Variants in PHC2 observed in about 807,000 individuals in gnomAD.
The protein encoded by PHC2 is polyhomeotic homolog 2.
PHC2 carries 29 observed loss-of-function variants against 87.4 expected under a neutral mutation model. The ratio of observed to expected loss-of-function variants is 0.33; its 90% CI spans 0.25 to 0.45. PHC2 has a LOEUF of 0.45. Ranked by LOEUF, PHC2 falls within the 20% of genes least tolerant of loss-of-function variation. PHC2 has a pLI of 1.00. For synonymous variants in PHC2, 438 were observed against 461.7 expected, an observed-to-expected ratio of 0.95 and a Z score of 0.66; for missense variants, 857 against 1,136.7, an observed-to-expected ratio of 0.75 and a Z score of 3.54.
At chr1:33,428,964 A>G (rs550103717) in intron 1 of PHC2, among the ~76,000 whole-genome samples, 10 of 152,312 alleles carry the variant, frequency 6.6e-5, no homozygotes, top group Admixed American at 6.5e-4. Context: ...TCACACTCCA[A>G]TCCTCTCTTA....
intron 1 of PHC2, among the ~76,000 whole-genome samples, chr1:33,413,159 GT>G (rs1306451931): frequency 6.6e-6 from 1 of 152,080 alleles, no homozygotes; most frequent in African/African-American, 2.4e-5. Flanking sequence ...TAGAAATGGG[GT>G]TTTACCACAT....
intron 1 of PHC2, among the ~76,000 whole-genome samples, chr1:33,394,344 A>G (rs1400378914): frequency 6.8e-6 from 1 of 147,894 alleles, no homozygotes; most frequent in Non-Finnish European, 1.5e-5. Flanking sequence ...ACAGAAAGCC[A>G]GTTTTCAAAG....
At chr1:33,399,722 A>G (rs2148374015) in intron 1 of PHC2, among the ~76,000 whole-genome samples, 2 of 152,274 alleles carry the variant, frequency 1.3e-5, no homozygotes, top group Admixed American at 1.3e-4. Flanking sequence ...GTGCTACTAG[A>G]GGGACAGGGA....
rs570669140 is a variant in PHC2 at position 33,423,724 on chromosome 1, G to A, written c.-55+7252C>T. Among the ~76,000 whole-genome samples, 4 of 152,350 alleles carry A rather than the reference G, an allele frequency of 2.6e-5. No individual in the cohort carries two copies. The South Asian group carries it at 6.2e-4, about 24-fold the overall frequency. The stretch of plus-strand genomic sequence containing the variant: ...GGGGCAAAACTTGGAAGAACTAGGT[G>A]TAATGCAGTACTTTCAAATTATCAA... On this transcript the variant is annotated intron_variant, in intron 1 of 14. Coordinates refer to ENST00000683057, the MANE Select transcript of PHC2 (RefSeq NM_001385109.1).
intron 1 of PHC2, among the ~76,000 whole-genome samples, chr1:33,406,026 A>T (rs1443854262): frequency 1.3e-5 from 2 of 151,858 alleles, no homozygotes; most frequent in Non-Finnish European, 2.9e-5. Context: ...GTGTTATTCA[A>T]ATCTTACATA....
rs545781643 is a variant in PHC2, at chr1:33,394,174, T to TA, written c.-54-18582dup. Among the ~76,000 whole-genome samples, 478 of 152,232 alleles carry TA rather than the reference T, an allele frequency of 3.1e-3. 1 individual carries two copies. The highest frequency in any genetic ancestry group is 0.011 in the African/African-American group (459 of 41,522). On this transcript the variant is annotated intron_variant, in intron 1 of 14. Coordinates refer to ENST00000683057, the MANE Select transcript of PHC2 (RefSeq NM_001385109.1). Reference sequence around the variant, plus strand: ...TTTTACAGAAAAGGACACTGATGAGTAACTTGCTCAAACTTATACAGTTAC... The same window carrying TA: ...TTTTACAGAAAAGGACACTGATGAGTAAACTTGCTCAAACTTATACAGTTAC...
intron 1 of PHC2, among the ~76,000 whole-genome samples, chr1:33,379,325 C>T (rs1324800463): frequency 1.2e-5 from 1 of 84,200 alleles, no homozygotes; most frequent in Non-Finnish European, 2.4e-5. Flanking sequence ...CCACTGCCCC[C>T]CTGCCCCCCA....
At chr1:33,348,297 A>C (rs1334577717) in intron 9 of PHC2, among the ~76,000 whole-genome samples, 1 of 146,242 alleles carries the variant, frequency 6.8e-6, no homozygotes, top group East Asian at 2.2e-4. Flanking sequence ...CGGGTGGGGG[A>C]GGTGGGAAGA....
chr1:33,356,886 C>A (rs536082933), intron 7 of PHC2, among the ~76,000 whole-genome samples: 60 of 152,116 alleles, frequency 3.9e-4, no homozygotes, highest in African/African-American at 1.3e-3. Flanking sequence ...GGCGCCCCCC[C>A]ACCTCCCAGA....
At chr1:33,373,985 C>A (rs1481894243) in intron 2 of PHC2, among the ~76,000 whole-genome samples, 1 of 152,200 alleles carries the variant, frequency 6.6e-6, no homozygotes, top group Non-Finnish European at 1.5e-5. Flanking sequence ...ACATCCCCAT[C>A]CCAACTCTTC....
intron 14 of PHC2, among the ~76,000 whole-genome samples, chr1:33,327,186 T>A (rs559829695): frequency 3.9e-4 from 59 of 152,286 alleles, no homozygotes; most frequent in Non-Finnish European, 7.1e-4. Context: ...GCTCCCTGTT[T>A]CTCCCTTTTT....
intron 9 of PHC2, chr1:33,347,005 A>G (rs373109057): frequency 1.0e-6 from 1 of 985,482 alleles, no homozygotes; most frequent in Non-Finnish European, 1.2e-6. Flanking sequence ...AAGATCATCC[A>G]TCTACTTACT....
chr1:33,386,011 G>A (rs1307410068), intron 1 of PHC2, among the ~76,000 whole-genome samples: 1 of 151,554 alleles, frequency 6.6e-6, no homozygotes, highest in Non-Finnish European at 1.5e-5. Context: ...TGGCCAGGCT[G>A]GTTTTGAACT....
intron 1 of PHC2, among the ~76,000 whole-genome samples, chr1:33,418,431 A>G (rs1455091770): frequency 6.6e-6 from 1 of 152,184 alleles, no homozygotes; most frequent in Non-Finnish European, 1.5e-5. Flanking sequence ...TCTTATAGAC[A>G]TGAAAAGGAT....
chr1:33,404,217 G>A (rs1438895194), intron 1 of PHC2, among the ~76,000 whole-genome samples: 3 of 152,098 alleles, frequency 2.0e-5, no homozygotes, highest in Non-Finnish European at 4.4e-5. Flanking sequence ...AGTCATCCTT[G>A]ACAATTTTAC....
At chr1:33,423,434 T>G (rs1650510408) in intron 1 of PHC2, among the ~76,000 whole-genome samples, 1 of 152,156 alleles carries the variant, frequency 6.6e-6, no homozygotes, top group Admixed American at 6.5e-5. Context: ...GATCTCATGA[T>G]TTTAGCCATC....
intron 7 of PHC2, among the ~76,000 whole-genome samples, chr1:33,356,394 C>A (rs1647086556): frequency 6.6e-6 from 1 of 150,428 alleles, no homozygotes; most frequent in Non-Finnish European, 1.5e-5. Flanking sequence ...AGCAGATAAA[C>A]ATGTGAACAA....
At chr1:33,409,739 G>GA (rs1649909000) in intron 1 of PHC2, among the ~76,000 whole-genome samples, 1 of 152,144 alleles carries the variant, frequency 6.6e-6, no homozygotes, top group Non-Finnish European at 1.5e-5. Flanking sequence ...GCCACCAGAA[G>GA]AGTAACATTC....
rs183787021 is a variant in PHC2 at position 33,408,530 on chromosome 1, G to A, written c.-55+22446C>T. Among the ~76,000 whole-genome samples, 684 of 152,086 alleles carry A rather than the reference G, an allele frequency of 4.5e-3. 7 individuals carry two copies. The highest frequency in any genetic ancestry group is 0.016 in the African/African-American group (644 of 41,482). ...GGCTGGAGTGCAGTGGGACGATCTC[G>A]GCTCACTGCAACCTCCGCCTCCCAG... On this transcript the variant is annotated intron_variant, in intron 1 of 14. Coordinates refer to ENST00000683057, the MANE Select transcript of PHC2 (RefSeq NM_001385109.1).
Sources: gnomAD v4.1 joint callset for allele counts (sites outside exome capture counted in the v4.1 genomes callset) on GRCh38, gnomAD v4.1.1 for gene constraint, MANE v1.5 for transcripts, NCBI Gene and HGNC (gene_info 2026-07-23, HGNC 2026-07-21) for gene names.